The following CRYBG2 variants were observed in gnomAD, a reference collection of about 807,000 sequenced individuals.
CRYBG2 encodes crystallin beta-gamma domain containing 2.
Under a neutral mutation model 153.4 loss-of-function variants are expected in CRYBG2, and 106 were observed. The observed-to-expected ratio is 0.69, with a 90% confidence interval of 0.59 to 0.81. The LOEUF (loss-of-function observed/expected upper bound fraction) is 0.81, where lower values mean the gene tolerates loss of function less well. CRYBG2 is among the 30% of genes least tolerant of loss of function. CRYBG2 has a pLI of 0.00. For synonymous variants in CRYBG2, 851 were observed against 877.8 expected (o/e 0.97, Z 0.54); for missense variants, 1,996 against 2,112.0 (o/e 0.95, Z 1.08).
At chr1:26,324,033 C>T (rs562517617) in intron 18 of CRYBG2, 119 bp downstream of exon 18, 2 of 1,102,660 alleles carry the variant, frequency 1.8e-6, no homozygotes, top group Non-Finnish European at 2.6e-6. Context: ...TCTCCCTCTC[C>T]CCAGGGTCCT....
rs112396132 is a variant in CRYBG2 at position 26,343,414 on chromosome 1, G to A, written c.2914-121C>T. ...TAACCTCCACCCGCAAGGAGCTGGC[G>A]CATAGAGGATGCTCACACTTGTTCC... On this transcript the variant is annotated intron_variant, in intron 2 of 19. Transcript: ENST00000308182. The surrounding 1 kb of genome is among the most constrained non-coding windows in gnomAD (Gnocchi z 4.1). The A allele has an allele frequency of 4.2e-4, 502 of 1,208,104 alleles. 2 individuals are homozygous for A. The African/African-American group carries it at 5.7e-3, about 14-fold the overall frequency. 74.8% of individuals were successfully genotyped at this position (1,208,104 alleles called of 1,614,324 possible).
rs1435271831 is a variant in CRYBG2, at chr1:26,336,431, T to C, written c.4039-61A>G. The C allele has an allele frequency of 6.3e-7, 1 of 1,594,716 alleles. No homozygotes were observed. Among genetic ancestry groups the C allele is most frequent in the Non-Finnish European group, 8.5e-7 (1 of 1,170,678 alleles). The stretch of plus-strand genomic sequence containing the variant: ...TGCCGGCCCCTAGCCTTGTCTTCTC[T>C]AGGTTTCAGTACCGTCCACCCCGCG... On this transcript the variant is annotated intron_variant, in intron 12 of 19. Transcript: ENST00000308182. This position sits in a 1 kb window ranked among gnomAD's most constrained non-coding sequence, Gnocchi z 4.9.
At position 26,322,228 on chromosome 1, in the gene CRYBG2, C is replaced by G. The variant is rs187727361; in HGVS notation, c.4833G>C (p.Trp1611Cys). 1.2e-6 allele frequency: 2 copies of G among 1,614,206 alleles called. No individual in the cohort carries two copies. Among genetic ancestry groups the G allele is most frequent in the Admixed American group, 3.3e-5 (2 of 60,030 alleles). ...WAESRLPRQT[W>C]SISESGHICS... ...AGATGTGGCCCGATTCACTGATGCT[C>G]CACGTCTGGCGCGGCAGGCGGCTCT... Residue 1611 changes from tryptophan to cysteine, a missense_variant, in exon 19 of 20, where the codon TGG becomes TGC. Trp to Cys is a radical substitution (Grantham distance 215). Transcript: ENST00000308182.
rs1462729968 is a variant in CRYBG2 at position 26,331,631 on chromosome 1, A to C, written c.4185-13T>G. 1 of 1,612,992 alleles carries C rather than the reference A, an allele frequency of 6.2e-7. No individual in the cohort carries two copies. Among genetic ancestry groups the C allele is most frequent in the Non-Finnish European group, 8.5e-7 (1 of 1,179,892 alleles). On this transcript the variant is annotated splice_polypyrimidine_tract_variant and intron_variant, in intron 14 of 19. Coordinates refer to ENST00000308182, the MANE Select transcript of CRYBG2 (RefSeq NM_001039775.4). Reference sequence around the variant, plus strand: ...AAACAGGATCCAGCTAGGGAAGGGGAAGAAATGGAGGGTATCTGAGCCTAC... The same window carrying C: ...AAACAGGATCCAGCTAGGGAAGGGGCAGAAATGGAGGGTATCTGAGCCTAC...
Position 26,338,004 on chromosome 1 carries a change from A to T in CRYBG2, c.3507+8T>A, listed in dbSNP as rs756893694. Reference sequence around the variant, plus strand: ...GGCCCTCTTTGGCTCTTAAGCCCAGACTCTTACCCTGGGCTCCCCTGGCTT... The same window carrying T: ...GGCCCTCTTTGGCTCTTAAGCCCAGTCTCTTACCCTGGGCTCCCCTGGCTT... On this transcript the variant is annotated splice_region_variant and intron_variant, in intron 8 of 19. Coordinates refer to ENST00000308182, the MANE Select transcript of CRYBG2 (RefSeq NM_001039775.4). 2.5e-6 allele frequency: 4 copies of T among 1,611,748 alleles called. No individual in the cohort carries two copies. The South Asian group carries it at 4.4e-5, about 18-fold the overall frequency.
chr1:26,337,687 G>A lies in CRYBG2; in HGVS notation c.3508-13C>T, dbSNP rs1295153317. 1 of 1,608,768 alleles carries A rather than the reference G, an allele frequency of 6.2e-7. No individual in the cohort carries two copies. Among genetic ancestry groups the A allele is most frequent in the African/African-American group, 1.3e-5 (1 of 74,944 alleles). ...CATACACCACAGCCTGGGGGAAAGG[G>A]GCTGTCAGGAGTCATCTGGACCCAA... is the stretch of plus-strand genomic sequence containing the variant. On this transcript the variant is annotated splice_polypyrimidine_tract_variant and intron_variant, in intron 8 of 19. Transcript: ENST00000308182.
Position 26,344,263 on chromosome 1 carries a change from T to A in CRYBG2, c.2395A>T (p.Thr799Ser). The A allele has an allele frequency of 6.5e-7, 1 of 1,533,098 alleles. No individual in the cohort carries two copies. Among genetic ancestry groups the A allele is most frequent in the South Asian group, 1.2e-5 (1 of 83,576 alleles). The allele number at this position is 1,533,098 out of a possible 1,614,324, so 95.0% of individuals were successfully genotyped here. A position where few individuals can be genotyped will look rare whatever the true frequency, so the allele number is the denominator to read the frequency against. Residue 799 changes from threonine (T) to serine (S), a missense_variant, in exon 2 of 20, where the codon ACG becomes TCG. By Grantham distance (58) the Thr-to-Ser change is moderately conservative. Coordinates refer to ENST00000308182, the MANE Select transcript of CRYBG2 (RefSeq NM_001039775.4). ...TGGTCCTCCTCAATGGCAGGCAGCG[T>A]GGCGTACATGGACAGGTAGGAGGAG... is the stretch of plus-strand genomic sequence containing the variant. ...PRSSYLSMYA[T>S]LPAIEEDQLG...
At chr1:26,341,060 C>T (rs776848404) in intron 5 of CRYBG2, among the ~76,000 whole-genome samples, 7 of 151,634 alleles carry the variant, frequency 4.6e-5, no homozygotes, top group East Asian at 2.0e-4. Flanking sequence ...AAAATCAGGC[C>T]GGGCGCAGTG....
intron 15 of CRYBG2, 132 bp downstream of exon 15, chr1:26,331,357 T>C: frequency 5.3e-6 from 7 of 1,316,896 alleles, no homozygotes; most frequent in Non-Finnish European, 7.2e-6. Flanking sequence ...AGCCCCAGAG[T>C]CAAGGGGACC....
intron 8 of CRYBG2, 93 bp from the exon 9 acceptor site, chr1:26,337,767 C>A (rs1463431987): frequency 1.3e-6 from 2 of 1,508,184 alleles, no homozygotes; most frequent in East Asian, 2.4e-5. Flanking sequence ...AATGTGGCAC[C>A]CCCCAGCCCT....
chr1:26,335,107 C>A (rs1322924350), intron 14 of CRYBG2, among the ~76,000 whole-genome samples: 7 of 124,214 alleles, frequency 5.6e-5, no homozygotes, highest in African/African-American at 2.2e-4. Flanking sequence ...ATAGCCAATT[C>A]TAGATTTGGA....
intron 8 of CRYBG2, 91 bp from the exon 9 acceptor site, chr1:26,337,765 AC>A: frequency 1.1e-5 from 16 of 1,518,226 alleles, no homozygotes; most frequent in Non-Finnish European, 9.7e-6. Flanking sequence ...CCAATGTGGC[AC>A]CCCCCAGCCC....
At position 26,346,429 on chromosome 1, in the gene CRYBG2, TCA is replaced by T. The variant is rs749853362; in HGVS notation, c.227_228del (p.Val76GlufsTer35). ...GCTGTATCCCGAGGGCCCTGGCAAT[TCA>T]CAGTCTCTTCTTCCTGTGTTGCAAA... is the stretch of plus-strand genomic sequence containing the variant. ...NGFATQEEET[V>X]NCQGPRDTAG... On this transcript the variant is annotated frameshift_variant, in exon 2 of 20. Coordinates refer to ENST00000308182, the MANE Select transcript of CRYBG2 (RefSeq NM_001039775.4). LOFTEE classifies it high-confidence loss of function. The surrounding 1 kb of genome is among the most constrained non-coding windows in gnomAD (Gnocchi z 4.9). The T allele has an allele frequency of 9.4e-6, 15 of 1,601,880 alleles. No individual in the cohort carries two copies. The Admixed American group carries it at 1.0e-4, about 11-fold the overall frequency.
At chr1:26,339,256 C>G (rs1307760896) in intron 6 of CRYBG2, 34 bp downstream of exon 6, 1 of 1,598,182 alleles carries the variant, frequency 6.3e-7, no homozygotes, top group East Asian at 2.2e-5. Context: ...CAGTGAATGT[C>G]AAATGAGGGG....
intron 9 of CRYBG2, 72 bp downstream of exon 9, chr1:26,337,466 C>T (rs2074076049): frequency 6.2e-7 from 1 of 1,601,606 alleles, no homozygotes; most frequent in Non-Finnish European, 8.5e-7. Context: ...CCTACGCAGC[C>T]CAGGTCACTC....
rs1040315855 is a variant in CRYBG2, at chr1:26,325,724, C to A, written c.4579-1414G>T. 1.3e-5 allele frequency among the ~76,000 whole-genome samples: 2 copies of A among 152,106 alleles called. No homozygotes were observed. The highest frequency in any genetic ancestry group is 2.9e-5 in the Non-Finnish European group (2 of 68,026). On this transcript the variant is annotated intron_variant, in intron 17 of 19. Transcript: ENST00000308182. The surrounding 1 kb of genome is among the most constrained non-coding windows in gnomAD (Gnocchi z 4.1). ...CCTCAGATGGGAACATGCATGCACACACACATACACACAGAGCCCATGGCC... is the reference window on the plus strand; with the variant it reads ...CCTCAGATGGGAACATGCATGCACAAACACATACACACAGAGCCCATGGCC...
chr1:26,326,723 T>C, intron 17 of CRYBG2: 1 of 357,136 alleles, frequency 2.8e-6, no homozygotes, highest in South Asian at 2.0e-5. Context: ...TAGGCTTTCC[T>C]ACGGTACAGC....
chr1:26,346,112 T>C lies in CRYBG2; in HGVS notation c.546A>G (p.Thr182=), dbSNP rs1410270509. Residue 182 remains threonine, a synonymous_variant, in exon 2 of 20, where the codon ACA becomes ACG. Coordinates refer to ENST00000308182, the MANE Select transcript of CRYBG2 (RefSeq NM_001039775.4). This position sits in a 1 kb window ranked among gnomAD's most constrained non-coding sequence, Gnocchi z 4.9. ...YRVTRTVRTT[T]VVGGHVDRRM... ...GCCGGTCCACATGACCTCCCACCAC[T>C]GTGGTGGTCCGCACAGTGCGTGTCA... is the stretch of plus-strand genomic sequence containing the variant. The C allele has an allele frequency of 3.8e-6, 6 of 1,570,014 alleles. No individual in the cohort carries two copies. The highest frequency in any genetic ancestry group is 5.2e-6 in the Non-Finnish European group (6 of 1,161,870).
In CRYBG2 at chr1:26,337,398, C is replaced by A. The variant is rs773672070; in HGVS notation, c.3645-19G>T. The A allele has an allele frequency of 5.0e-6, 8 of 1,611,748 alleles. No homozygotes were observed. The African/African-American group carries it at 1.1e-4, about 21-fold the overall frequency. On this transcript the variant is annotated intron_variant, in intron 9 of 19. Coordinates refer to ENST00000308182, the MANE Select transcript of CRYBG2 (RefSeq NM_001039775.4). ...CACCCAGCTGGGAAAAGCAGGAGGA[C>A]AGACAGGCAGGTTCAGTCATAGGAG...
Sources: allele counts gnomAD v4.1 joint callset (sites outside exome capture counted in the v4.1 genomes callset), GRCh38; gene constraint gnomAD v4.1.1; non-coding constraint Gnocchi (gnomAD v3.1); transcripts MANE v1.5; gene names NCBI Gene and HGNC (gene_info 2026-07-23, HGNC 2026-07-21).